PCDH19: variants seen among roughly 807,000 people sequenced by gnomAD.
PCDH19 encodes the protein protocadherin-19.
A neutral mutation model predicts 46.2 loss-of-function variants in PCDH19; 6 were observed. The observed-to-expected ratio is 0.13, with a 90% CI of 0.07 to 0.26. PCDH19 has a LOEUF of 0.26. Among genes scored for constraint, PCDH19 ranks in the 10% least tolerant of loss-of-function variants. The pLI is 1.00. For missense variants in PCDH19, 740 were observed against 972.3 expected, an observed-to-expected ratio of 0.76 and a Z score of 3.18; for synonymous variants, 481 against 415.7, an observed-to-expected ratio of 1.16 and a Z score of -1.91.
At chrX:100,368,559 A>T (rs1266432037) in intron 3 of PCDH19, among the ~76,000 whole-genome samples, 1 of 111,698 alleles carries the variant, frequency 9.0e-6, no homozygotes, top group Non-Finnish European at 1.9e-5. Context: ...AAAGAAGCTG[A>T]AAAGTTACTG....
chrX:100,330,970 C>T (rs1367562699), intron 5 of PCDH19, among the ~76,000 whole-genome samples: 2 of 111,957 alleles, frequency 1.8e-5, no homozygotes, highest in East Asian at 2.8e-4. Flanking sequence ...GTCATTAGGC[C>T]GCCTCAATGT....
Position 100,293,885 on chromosome X carries a change from G to C in PCDH19, c.*2392C>G, listed in dbSNP as rs1166125565. ...TTAAAACTTGGCTGGTAAGAGGCAT[G>C]GCAGCCAGTGGCCTCTCTGGCTCAA... On this transcript the variant is annotated 3_prime_UTR_variant, in exon 6 of 6. Transcript: ENST00000373034. 2 of 111,860 alleles carry C rather than the reference G, an allele frequency of 1.8e-5. No homozygotes were observed. The highest frequency in any genetic ancestry group is 3.8e-5 in the Non-Finnish European group (2 of 53,197). 9.2% of individuals were successfully genotyped at this position (111,860 alleles called of 1,213,427 possible).
chrX:100,350,309 A>G (rs948730794), intron 4 of PCDH19, among the ~76,000 whole-genome samples: 1 of 111,901 alleles, frequency 8.9e-6, no homozygotes, highest in African/African-American at 3.2e-5. Flanking sequence ...GAAATTAGAA[A>G]TATTAGAAAT....
chrX:100,341,404 T>C (rs1432630289), intron 5 of PCDH19, among the ~76,000 whole-genome samples: 3 of 111,667 alleles, frequency 2.7e-5, no homozygotes, highest in African/African-American at 9.8e-5. Context: ...AATGGGAAGT[T>C]TGGTATTTTC....
At chrX:100,337,436 T>C (rs963563524) in intron 5 of PCDH19, among the ~76,000 whole-genome samples, 13 of 112,322 alleles carry the variant, frequency 1.2e-4, no homozygotes, top group African/African-American at 3.9e-4. Flanking sequence ...TTCTCTATCA[T>C]CTTCTTTTCT....
chrX:100,325,166 TAGAC>T (rs756891351), intron 5 of PCDH19, among the ~76,000 whole-genome samples: 842 of 55,332 alleles, frequency 0.015, 3 homozygotes, highest in Non-Finnish European at 0.026. Context: ...GATAGATAGA[TAGAC>T]AGATAGACAC....
rs181081237 is a variant in PCDH19, at chrX:100,388,112, G to A, written c.2616+14412C>T. Among the ~76,000 whole-genome samples the A allele has an allele frequency of 4.3e-3, 478 of 110,928 alleles. 5 individuals are homozygous for A. Among genetic ancestry groups the A allele is most frequent in the African/African-American group, 0.015 (450 of 30,705 alleles). On this transcript the variant is annotated intron_variant, in intron 3 of 5. Transcript: ENST00000373034. The stretch of plus-strand genomic sequence containing the variant: ...ACCATTTAAAAAGTAAAAATTGCCT[G>A]ACTTCCTACAACCTGAGATAACTGT...
chrX:100,318,409 T>C (rs1925375530), intron 5 of PCDH19, among the ~76,000 whole-genome samples: 1 of 112,233 alleles, frequency 8.9e-6, no homozygotes, highest in African/African-American at 3.2e-5. Context: ...CAAGCAGCTC[T>C]AATTCTCTGG....
chrX:100,362,870 AG>A (rs1354093762), intron 3 of PCDH19, among the ~76,000 whole-genome samples: 1 of 111,101 alleles, frequency 9.0e-6, no homozygotes, highest in African/African-American at 3.3e-5. Context: ...AAAGCACATA[AG>A]AAAAAAATGT....
chrX:100,381,802 G>A (rs1927560577), intron 3 of PCDH19, among the ~76,000 whole-genome samples: 1 of 111,464 alleles, frequency 9.0e-6, no homozygotes, highest in Non-Finnish European at 1.9e-5. Flanking sequence ...ATGTAATATG[G>A]GCAATTACAC....
intron 5 of PCDH19, among the ~76,000 whole-genome samples, chrX:100,308,145 T>C (rs970340820): frequency 4.5e-5 from 5 of 111,439 alleles, no homozygotes; most frequent in African/African-American, 1.6e-4. Flanking sequence ...AGAACTATAC[T>C]ATAAGGGCAT....
At chrX:100,325,369 CT>C (rs72174481) in intron 5 of PCDH19, among the ~76,000 whole-genome samples, 8,750 of 81,036 alleles carry the variant, frequency 0.11, 383 homozygotes, top group African/African-American at 0.18. Flanking sequence ...CTATAATGAT[CT>C]TTTTTTTTTT....
intron 3 of PCDH19, among the ~76,000 whole-genome samples, chrX:100,374,801 TG>T (rs745505309): frequency 2.1e-4 from 23 of 110,620 alleles, no homozygotes; most frequent in Non-Finnish European, 2.6e-4. Flanking sequence ...TAGCCGGGCA[TG>T]GTGGTGGGCG....
chrX:100,389,101 A>G (rs1431762842), intron 3 of PCDH19, among the ~76,000 whole-genome samples: 1 of 110,941 alleles, frequency 9.0e-6, no homozygotes, highest in Non-Finnish European at 1.9e-5. Flanking sequence ...GGTATTGTTT[A>G]AAAGTCCTCT....
chrX:100,354,705 T>G (rs774363403), intron 3 of PCDH19, among the ~76,000 whole-genome samples: 1 of 111,877 alleles, frequency 8.9e-6, no homozygotes, highest in South Asian at 3.7e-4. Flanking sequence ...TTTGCATGAA[T>G]GTATTGGCTC....
At chrX:100,300,901 A>T (rs1366484070) in intron 5 of PCDH19, among the ~76,000 whole-genome samples, 1 of 70,153 alleles carries the variant, frequency 1.4e-5, no homozygotes, top group African/African-American at 4.9e-5. Context: ...AGAGAATTCC[A>T]AAACCCCTGG....
At position 100,410,004 on chromosome X, in the gene PCDH19, G is replaced by A. The variant is rs1303947197; in HGVS notation, c.-1407C>T. On this transcript the variant is annotated 5_prime_UTR_variant, in exon 1 of 6. Transcript: ENST00000373034. ...GAAGAGTGAGTGTGTGGTGTGGGGA[G>A]TGTGAGTGTGGAGTATGAGCAAGCA... 1 of 296,449 alleles carries A rather than the reference G, an allele frequency of 3.4e-6. No homozygotes were observed. The highest frequency in any genetic ancestry group is 2.8e-5 in the African/African-American group (1 of 35,892). 24.4% of individuals were successfully genotyped at this position (296,449 alleles called of 1,213,427 possible).
At chrX:100,330,235 A>G (rs748238505) in intron 5 of PCDH19, among the ~76,000 whole-genome samples, 11 of 112,512 alleles carry the variant, frequency 9.8e-5, no homozygotes, top group Admixed American at 2.8e-4. Flanking sequence ...AATATCTCGA[A>G]ACATACATCA....
chrX:100,406,914 C>T lies in PCDH19; in HGVS notation c.1684G>A (p.Val562Ile), dbSNP rs755456420. 6 of 1,209,845 alleles carry T rather than the reference C, an allele frequency of 5.0e-6. No individual in the cohort carries two copies. In the African/African-American group the frequency reaches 8.7e-5, roughly 18 times the overall value. ...IILDVNDNTP[V>I]ITAPPLINGT... ...TTAATCAGAGGTGGGGCTGTGATGA[C>T]CGGGGTGTTGTCGTTGACGTCGAGG... Residue 562 changes from valine (V) to isoleucine (I), a missense_variant, in exon 1 of 6, where the codon GTC becomes ATC. Coordinates refer to ENST00000373034, the MANE Select transcript of PCDH19 (RefSeq NM_001184880.2).
Sources: gnomAD v4.1 joint callset for allele counts (sites outside exome capture counted in the v4.1 genomes callset) on GRCh38, gnomAD v4.1.1 for gene constraint, MANE v1.5 for transcripts, NCBI Gene and HGNC (gene_info 2026-07-23, HGNC 2026-07-21) for gene names.